The following SCN1A variants were observed in gnomAD, a reference collection of about 807,000 sequenced individuals.
SCN1A encodes the protein sodium channel protein type 1 subunit alpha.
Under a neutral mutation model 193.7 loss-of-function variants are expected in SCN1A, and 13 were observed. That is an observed-to-expected ratio of 0.07 (90% CI 0.04 to 0.11). The LOEUF (loss-of-function observed/expected upper bound fraction) is 0.11. Ranked by LOEUF, SCN1A falls within the 10% of genes least tolerant of loss-of-function variation. SCN1A has a pLI of 1.00. For synonymous variants in SCN1A, 781 were observed against 843.6 expected, an observed-to-expected ratio of 0.93 and a Z score of 1.29; for missense variants, 1,432 against 2,451.1, an observed-to-expected ratio of 0.58 and a Z score of 8.78.
intron 23 of SCN1A, 23 bp from the exon 24 acceptor site, chr2:166,002,776 G>T: frequency 1.9e-6 from 3 of 1,589,606 alleles, no homozygotes; most frequent in Non-Finnish European, 1.7e-6. Flanking sequence ...TGGAAAAAAA[G>T]AAAAGTCAGA....
intron 4 of SCN1A, among the ~76,000 whole-genome samples, chr2:166,068,270 T>C (rs896605422): frequency 1.3e-5 from 2 of 152,190 alleles, no homozygotes; most frequent in Non-Finnish European, 2.9e-5. Flanking sequence ...CTCCTATAGA[T>C]ATGGCAGATA....
At chr2:166,009,124 T>C (rs1278352064) in intron 23 of SCN1A, among the ~76,000 whole-genome samples, 2 of 151,136 alleles carry the variant, frequency 1.3e-5, no homozygotes, top group African/African-American at 2.4e-5. Context: ...TTTATTGTTA[T>C]AAAAATGATG....
At chr2:166,052,390 C>G (rs534276265) in intron 8 of SCN1A, among the ~76,000 whole-genome samples, 1 of 152,008 alleles carries the variant, frequency 6.6e-6, no homozygotes, top group African/African-American at 2.4e-5. Flanking sequence ...AAAGATTTTG[C>G]TGTACAACCG....
At chr2:165,995,132 T>C (rs1446665283) in intron 27 of SCN1A, among the ~76,000 whole-genome samples, 2 of 151,874 alleles carry the variant, frequency 1.3e-5, no homozygotes, top group Admixed American at 6.6e-5. Flanking sequence ...GCAGGCTTAT[T>C]TCTTTGGGCC....
At chr2:166,056,261 A>T in intron 6 of SCN1A, 150 bp downstream of exon 6, 1 of 635,986 alleles carries the variant, frequency 1.6e-6, no homozygotes. Flanking sequence ...AGCAGGCCTG[A>T]GGGCCAATGA....
intron 4 of SCN1A, among the ~76,000 whole-genome samples, chr2:166,069,535 C>T (rs1684198248): frequency 6.6e-6 from 1 of 152,164 alleles, no homozygotes; most frequent in Admixed American, 6.5e-5. Flanking sequence ...ACTGACACTG[C>T]CTTTGTAAAA....
chr2:166,036,591 A>C, intron 18 of SCN1A, 61 bp from the exon 19 acceptor site: 1 of 1,530,764 alleles, frequency 6.5e-7, no homozygotes, highest in Non-Finnish European at 9.0e-7. Context: ...GCAGATTACA[A>C]TCACTTATTC....
In SCN1A at chr2:166,043,779, C is replaced by T; in HGVS notation, c.1933G>A (p.Val645Met). The change falls in exon 14 of 29, where the codon GTG becomes ATG. Residue 645 changes from valine (V) to methionine (M), a missense_variant. This residue lies in a region of SCN1A where 316 missense variants were observed against 362.1 expected (regional missense o/e 0.87). Transcript: ENST00000674923. ...AAGGAAACCACACCATTGCAATCCA[C>T]AGTGCTGTGCATCTTCCCATTCGCT... Reference protein sequence around the residue: ...FPANGKMHSTVDCNGVVSLVG... With the variant: ...FPANGKMHSTMDCNGVVSLVG... The T allele has an allele frequency of 1.2e-6, 2 of 1,614,230 alleles. No homozygotes were observed. The highest frequency in any genetic ancestry group is 1.7e-6 in the Non-Finnish European group (2 of 1,180,040).
At chr2:166,130,336 G>A (rs186512327), upstream of SCN1A, among the ~76,000 whole-genome samples, 3 of 152,052 alleles carry the variant, frequency 2.0e-5, no homozygotes, top group African/African-American at 4.8e-5. Flanking sequence ...AAGTAACATC[G>A]GCAAACAAAC....
rs186735734 is a variant in SCN1A at position 166,106,545 on chromosome 2, T to C, written c.-142+20379A>G. On this transcript the variant is annotated intron_variant, in intron 2 of 28. Coordinates refer to ENST00000674923, the MANE Select transcript of SCN1A (RefSeq NM_001165963.4). The stretch of plus-strand genomic sequence containing the variant: ...GCACAGGTGAGCTAAGGTTGGTGGG[T>C]GGGCCTTCAGAAGGAGTGCGGCACT... Among the ~76,000 whole-genome samples the C allele has an allele frequency of 3.3e-5, 5 of 152,096 alleles. No homozygotes were observed. The East Asian group carries it at 7.8e-4, about 24-fold the overall frequency.
intron 23 of SCN1A, among the ~76,000 whole-genome samples, chr2:166,005,202 A>C (rs1411176799): frequency 6.6e-6 from 1 of 151,452 alleles, no homozygotes; most frequent in Non-Finnish European, 1.5e-5. Flanking sequence ...AGTGTCTTGA[A>C]TATAAGAACA....
chr2:165,998,086 G>A lies in SCN1A; in HGVS notation c.4428C>T (p.Asn1476=). The A allele has an allele frequency of 6.2e-7, 1 of 1,604,890 alleles. No individual in the cohort carries two copies. The highest frequency in any genetic ancestry group is 1.7e-4 in the Middle Eastern group (1 of 6,002). Reference sequence around the variant, plus strand: ...TATCTATGATGACACCAATAAACAGGTTCAAGGTGAAGAAGGACCCAAAGA... The same window carrying A: ...TATCTATGATGACACCAATAAACAGATTCAAGGTGAAGAAGGACCCAAAGA... ...FIIFGSFFTL[N]LFIGVIIDNF... Residue 1476 remains asparagine (N), a synonymous_variant, in exon 26 of 29, where the codon AAC becomes AAT. Coordinates refer to ENST00000674923, the MANE Select transcript of SCN1A (RefSeq NM_001165963.4).
At chr2:166,133,452 T>C (rs1244614740) in intron 1 of SCN1A, among the ~76,000 whole-genome samples, 1 of 152,192 alleles carries the variant, frequency 6.6e-6, no homozygotes, top group Non-Finnish European at 1.5e-5. Flanking sequence ...AAATTAAGTA[T>C]ATGAATGTCA....
At chr2:166,125,032 G>A (rs1253340065) in intron 2 of SCN1A, among the ~76,000 whole-genome samples, 1 of 152,176 alleles carries the variant, frequency 6.6e-6, no homozygotes, top group Admixed American at 6.5e-5. Context: ...AAACTTTGGG[G>A]CAGCTTGGGG....
chr2:166,011,535 T>C (rs997915107), intron 22 of SCN1A, among the ~76,000 whole-genome samples: 3 of 151,232 alleles, frequency 2.0e-5, no homozygotes, highest in Non-Finnish European at 4.5e-5. Context: ...TTCCCTACAC[T>C]CTACATACCT....
At chr2:166,050,027 A>C (rs1226591597) in intron 9 of SCN1A, among the ~76,000 whole-genome samples, 2 of 152,052 alleles carry the variant, frequency 1.3e-5, no homozygotes, top group Non-Finnish European at 2.9e-5. Context: ...ACACAGAAGC[A>C]CATAAGGAAA....
intron 14 of SCN1A, among the ~76,000 whole-genome samples, chr2:166,042,774 G>A (rs1036867969): frequency 6.6e-6 from 1 of 152,162 alleles, no homozygotes; most frequent in African/African-American, 2.4e-5. Flanking sequence ...AGTCCTACAA[G>A]TGATCAAGGC....
At chr2:166,095,140 T>G (rs965661288) in intron 2 of SCN1A, among the ~76,000 whole-genome samples, 2 of 152,214 alleles carry the variant, frequency 1.3e-5, no homozygotes, top group Non-Finnish European at 2.9e-5. Flanking sequence ...AAAAATTCAA[T>G]TACGTACCCT....
In SCN1A at chr2:166,026,679, CTTT is replaced by C. The variant is rs35750460; in HGVS notation, c.3429+9366_3429+9368del. ...ATGGAATATTTCTCTTTCTTTCTTT[CTTT>C]TTTTTTTTTTTTTTTTTTTGAGACT... On this transcript the variant is annotated intron_variant, in intron 19 of 28. Transcript: ENST00000674923. Among the ~76,000 whole-genome samples the C allele has an allele frequency of 6.5e-3, 639 of 97,668 alleles. 3 individuals are homozygous for C. Among genetic ancestry groups the C allele is most frequent in the East Asian group, 0.057 (184 of 3,254 alleles). The allele number at this position is 97,668 out of a possible 152,430, so 64.1% of individuals were successfully genotyped here.
Sources: gnomAD v4.1 joint callset for allele counts (sites outside exome capture counted in the v4.1 genomes callset) on GRCh38, gnomAD v4.1.1 for gene constraint, gnomAD v4.1.1 regional missense constraint, MANE v1.5 for transcripts, NCBI Gene and HGNC (gene_info 2026-07-23, HGNC 2026-07-21) for gene names.